SMC4: variants seen among roughly 807,000 people sequenced by gnomAD.
The protein encoded by SMC4 is structural maintenance of chromosomes protein 4.
SMC4 carries 87 observed loss-of-function variants against 145.6 expected under a neutral mutation model. The ratio of observed to expected loss-of-function variants is 0.60; its 90% confidence interval spans 0.50 to 0.71. The LOEUF (loss-of-function observed/expected upper bound fraction) is 0.71. Among genes scored for constraint, SMC4 ranks in the 30% least tolerant of loss-of-function variants. The pLI is 0.00. For missense variants in SMC4, 1,447 were observed against 1,537.1 expected (o/e 0.94, Z 0.98); for synonymous variants, 558 against 500.7 (o/e 1.11, Z -1.53).
intron 3 of SMC4, 83 bp downstream of exon 3, chr3:160,402,176 G>A (rs1714759536): frequency 2.3e-6 from 2 of 868,044 alleles, no homozygotes; most frequent in Non-Finnish European, 3.3e-6. Context: ...TTTCAGTTTT[G>A]TAACTATCCT....
intron 5 of SMC4, among the ~76,000 whole-genome samples, chr3:160,410,816 T>C (rs1715906618): frequency 6.6e-6 from 1 of 152,206 alleles, no homozygotes; most frequent in African/African-American, 2.4e-5. Flanking sequence ...TCACCTGTAT[T>C]CACTTAGGAA....
intron 13 of SMC4, 122 bp from the exon 14 acceptor site, chr3:160,423,303 C>G (rs529848507): frequency 2.7e-6 from 2 of 736,582 alleles, no homozygotes; most frequent in Admixed American, 6.4e-5. Flanking sequence ...ATTTTAGAAC[C>G]TTTTGTGTAT....
chr3:160,404,004 G>T (rs1472793332), intron 4 of SMC4: 1 of 238,024 alleles, frequency 4.2e-6, no homozygotes, highest in Non-Finnish European at 8.1e-6. Context: ...AATTTGTGTG[G>T]GTTTTGGATA....
intron 13 of SMC4, among the ~76,000 whole-genome samples, chr3:160,421,517 G>A (rs1184504575): frequency 1.3e-5 from 2 of 151,986 alleles, no homozygotes; most frequent in Non-Finnish European, 2.9e-5. Context: ...AGGCCAAGGC[G>A]GGCGGATCAC....
chr3:160,430,767 A>G (rs1489042152), intron 19 of SMC4, 24 bp downstream of exon 19: 1 of 1,595,630 alleles, frequency 6.3e-7, no homozygotes, highest in Admixed American at 1.8e-5. Context: ...TGTATTGAAG[A>G]GGAGATGGGA....
intron 5 of SMC4, among the ~76,000 whole-genome samples, chr3:160,410,907 C>T (rs1242427445): frequency 6.6e-6 from 1 of 152,102 alleles, no homozygotes; most frequent in Non-Finnish European, 1.5e-5. Flanking sequence ...CTTTTTTCGT[C>T]TTTGCTATTT....
chr3:160,426,095 T>G lies in SMC4; in HGVS notation c.2500T>G (p.Tyr834Asp). ...GTAGCGTTTAATAGAGCAAGAAGAA[T>G]ATTTGAATGTCCAAGTTAAGGAACT... The part of the protein sequence containing the change: ...SIQRLIEQEE[Y>D]LNVQVKELEA... The change falls in exon 17 of 24, where the codon TAT becomes GAT. Residue 834 changes from tyrosine (Y) to aspartate (D), a missense_variant. Coordinates refer to ENST00000357388, the MANE Select transcript of SMC4 (RefSeq NM_001002800.3). 2 of 1,605,154 alleles carry G rather than the reference T, an allele frequency of 1.2e-6. No individual in the cohort carries two copies. Among genetic ancestry groups the G allele is most frequent in the Non-Finnish European group, 1.7e-6 (2 of 1,175,632 alleles).
intron 12 of SMC4, among the ~76,000 whole-genome samples, chr3:160,420,011 C>A (rs544300641): frequency 6.6e-6 from 1 of 152,236 alleles, no homozygotes; most frequent in East Asian, 1.9e-4. Context: ...TTTGGGCTAG[C>A]ATTTAAGGAT....
chr3:160,416,200 T>A, intron 9 of SMC4, 51 bp from the exon 10 acceptor site: 4 of 1,315,348 alleles, frequency 3.0e-6, no homozygotes, highest in Non-Finnish European at 4.1e-6. Context: ...ATATTGATAG[T>A]ATTGGGTAAC....
chr3:160,433,797 G>A lies in SMC4; in HGVS notation c.3855G>A (p.Lys1285=), dbSNP rs1454437776. ...TAAATCCAAAAGAAATTGCATCTAA[G>A]GGACTTTGTTGAACTTTATGCTGAA... is the stretch of plus-strand genomic sequence containing the variant. The part of the protein sequence containing the change: ...VAVNPKEIAS[K]GLC The change falls in exon 24 of 24, where the codon AAG becomes AAA. Residue 1285 remains lysine, a synonymous_variant. Coordinates refer to ENST00000357388, the MANE Select transcript of SMC4 (RefSeq NM_001002800.3). The A allele has an allele frequency of 6.2e-7, 1 of 1,601,546 alleles. No individual in the cohort carries two copies. Among genetic ancestry groups the A allele is most frequent in the Non-Finnish European group, 8.5e-7 (1 of 1,176,152 alleles).
intron 12 of SMC4, among the ~76,000 whole-genome samples, 195 bp downstream of exon 12, chr3:160,419,738 A>G (rs975868843): frequency 6.6e-6 from 1 of 152,160 alleles, no homozygotes; most frequent in Non-Finnish European, 1.5e-5. Flanking sequence ...GATAAATACA[A>G]TTATTTCATA....
At chr3:160,417,498 G>A (rs4680582) in intron 10 of SMC4, 96,325 of 512,682 alleles carry the variant, frequency 0.19, 10,345 homozygotes, top group Non-Finnish European at 0.23. Context: ...CGTAATGATC[G>A]ATCTCACAAA....
Position 160,412,371 on chromosome 3 carries a change from G to A in SMC4, c.898G>A (p.Gly300Arg), listed in dbSNP as rs770453498. Residue 300 changes from glycine to arginine, a missense_variant, in exon 7 of 24, where the codon GGA becomes AGA. Physicochemically the swap from Gly to Arg is moderately radical, Grantham distance 125. Transcript: ENST00000357388. ...GGAAAAGGAAAAGGATGCCTTAGAAGGAGAGAAAAACATAGCTATCGAATT... is the reference window on the plus strand; with the variant it reads ...GGAAAAGGAAAAGGATGCCTTAGAAAGAGAGAAAAACATAGCTATCGAATT... ...MVEKEKDALE[G>R]EKNIAIEFLT... 30 of 1,604,544 alleles carry A rather than the reference G, an allele frequency of 1.9e-5. No homozygotes were observed.
At position 160,419,395 on chromosome 3, in the gene SMC4, C is replaced by T. The variant is rs544404395; in HGVS notation, c.1709C>T (p.Thr570Ile). 8 of 1,601,302 alleles carry T rather than the reference C, an allele frequency of 5.0e-6. No homozygotes were observed. The African/African-American group carries it at 9.5e-5, about 19-fold the overall frequency. Residue 570 changes from threonine to isoleucine, a missense_variant, in exon 12 of 24, where the codon ACA becomes ATA. Coordinates refer to ENST00000357388, the MANE Select transcript of SMC4 (RefSeq NM_001002800.3). ...KELQKLTQEE[T>I]NFKSLVHDLF... Reference sequence around the variant, plus strand: ...CTTCAAAAACTTACACAAGAAGAAACAAACTTTAAAAGTTTGGTTCATGAT... The same window carrying T: ...CTTCAAAAACTTACACAAGAAGAAATAAACTTTAAAAGTTTGGTTCATGAT...
chr3:160,410,795 AT>A (rs1376598165), intron 5 of SMC4, among the ~76,000 whole-genome samples: 1 of 152,172 alleles, frequency 6.6e-6, no homozygotes, highest in African/African-American at 2.4e-5. Flanking sequence ...TTTACCCCAC[AT>A]TTTTAAGGTT....
chr3:160,430,819 C>T, intron 19 of SMC4, 76 bp downstream of exon 19: 1 of 1,483,578 alleles, frequency 6.7e-7, no homozygotes, highest in South Asian at 1.4e-5. Context: ...TATGACAGTG[C>T]CTAGAATGTA....
Position 160,414,553 on chromosome 3 carries a change from C to A in SMC4, c.1272+36C>A. 6.4e-7 allele frequency: 1 copy of A among 1,570,780 alleles called. No individual in the cohort carries two copies. The highest frequency in any genetic ancestry group is 8.7e-7 in the Non-Finnish European group (1 of 1,148,486). ...GAAAAAAATTCTTAAAATTTCACGT[C>A]TGAATATCATACCTAGTTTTCATGG... On this transcript the variant is annotated intron_variant, in intron 9 of 23. Transcript: ENST00000357388.
At chr3:160,416,135 A>G in intron 9 of SMC4, 116 bp from the exon 10 acceptor site, 1 of 595,950 alleles carries the variant, frequency 1.7e-6, no homozygotes, top group Non-Finnish European at 2.7e-6. Flanking sequence ...TTTAACTCTG[A>G]TTATAAAGAA....
chr3:160,402,661 GT>G lies in SMC4; in HGVS notation c.319-8del. The G allele has an allele frequency of 1.9e-6, 3 of 1,592,262 alleles. No homozygotes were observed. The highest frequency in any genetic ancestry group is 1.9e-5 in the Admixed American group (1 of 53,122). ...ATGAACTTTTCCGTGTTTTGTTTTT[GT>G]TTTTTTAATGCAGCGCTTTTCCTGT... On this transcript the variant is annotated splice_polypyrimidine_tract_variant and intron_variant, in intron 3 of 23. Transcript: ENST00000357388.
Sources: gnomAD v4.1 joint callset for allele counts (sites outside exome capture counted in the v4.1 genomes callset) on GRCh38, gnomAD v4.1.1 for gene constraint, MANE v1.5 for transcripts, NCBI Gene and HGNC (gene_info 2026-07-23, HGNC 2026-07-21) for gene names.